The following ZFHX3 variants were observed in gnomAD, a reference collection of about 807,000 sequenced individuals.
The protein encoded by ZFHX3 is zinc finger homeobox 3.
A neutral mutation model predicts 279.1 loss-of-function variants in ZFHX3; 42 were observed. The observed-to-expected ratio is 0.15, with a 90% CI of 0.12 to 0.19. ZFHX3 has a LOEUF of 0.19. Ranked by LOEUF, ZFHX3 falls within the 10% of genes least tolerant of loss-of-function variation. The pLI is 1.00. For missense variants in ZFHX3, 4,981 were observed against 4,754.0 expected, an observed-to-expected ratio of 1.05 and a Z score of -1.40; for synonymous variants, 2,293 against 1,957.8, an observed-to-expected ratio of 1.17 and a Z score of -4.52.
At chr16:72,803,810 GGTTA>G (rs1328132703) in intron 7 of ZFHX3, among the ~76,000 whole-genome samples, 4 of 152,188 alleles carry the variant, frequency 2.6e-5, no homozygotes, top group Non-Finnish European at 5.9e-5. Flanking sequence ...AAGTTTTTCT[GGTTA>G]AGAAAATTCA....
chr16:73,062,108 C>A (rs1467394938), upstream of ZFHX3: 1 of 151,718 alleles, frequency 6.6e-6, no homozygotes, highest in Non-Finnish European at 1.5e-5. Flanking sequence ...ACAAGAAATT[C>A]AGAATCTAAA....
At chr16:73,735,841 G>A (rs1356943884) in intron 1 of ZFHX3, among the ~76,000 whole-genome samples, 1 of 151,530 alleles carries the variant, frequency 6.6e-6, no homozygotes, top group African/African-American at 2.4e-5. Context: ...TTGCCCATAG[G>A]TGACATTCTG....
chr16:73,131,308 G>T (rs910291581), intron 6 of ZFHX3, among the ~76,000 whole-genome samples: 1 of 152,120 alleles, frequency 6.6e-6, no homozygotes, highest in Non-Finnish European at 1.5e-5. Flanking sequence ...CTTAATAAAC[G>T]CAATTCATGG....
chr16:73,669,290 G>A lies in ZFHX3; in HGVS notation c.-1547+10890C>T, dbSNP rs979043605. Among the ~76,000 whole-genome samples the A allele has an allele frequency of 2.0e-5, 3 of 152,154 alleles. No homozygotes were observed. The South Asian group carries it at 6.2e-4, about 32-fold the overall frequency. Reference sequence around the variant, plus strand: ...GCTTGTCTCAAACTCCTGACCTCAGGTAATCCACCCGCCTTGGCCTCCCAA... The same window carrying A: ...GCTTGTCTCAAACTCCTGACCTCAGATAATCCACCCGCCTTGGCCTCCCAA... On this transcript the variant is annotated intron_variant, in intron 2 of 17. Coordinates refer to the ZFHX3 transcript ENST00000641206.
intron 7 of ZFHX3, among the ~76,000 whole-genome samples, chr16:73,111,133 G>A (rs1481778942): frequency 6.6e-6 from 1 of 152,050 alleles, no homozygotes; most frequent in African/African-American, 2.4e-5. Context: ...TAGAGACGAG[G>A]TTTCACCATG....
chr16:73,541,260 G>A (rs1017186808), intron 2 of ZFHX3, among the ~76,000 whole-genome samples: 62 of 152,272 alleles, frequency 4.1e-4, no homozygotes, highest in African/African-American at 1.2e-3. Context: ...CAAGGCGGGA[G>A]GATCACTTAA....
chr16:73,312,613 C>T (rs920052970), intron 4 of ZFHX3, among the ~76,000 whole-genome samples: 1 of 152,162 alleles, frequency 6.6e-6, no homozygotes, highest in African/African-American at 2.4e-5. Context: ...TCATTGAGGG[C>T]TTTCAGTGGG....
At chr16:73,272,219 G>A (rs1419304826) in intron 4 of ZFHX3, among the ~76,000 whole-genome samples, 3 of 152,084 alleles carry the variant, frequency 2.0e-5, no homozygotes, top group Non-Finnish European at 2.9e-5. Context: ...TTTCACTGAC[G>A]GCATGTGATA....
intron 2 of ZFHX3, among the ~76,000 whole-genome samples, chr16:73,639,530 G>A (rs1253302352): frequency 6.6e-6 from 1 of 152,154 alleles, no homozygotes; most frequent in African/African-American, 2.4e-5. Flanking sequence ...TATTAAAACA[G>A]AAACATGCCA....
intron 1 of ZFHX3, among the ~76,000 whole-genome samples, chr16:73,804,971 G>C (rs954964308): frequency 1.3e-4 from 18 of 137,972 alleles, no homozygotes; most frequent in Non-Finnish European, 2.4e-4. Context: ...AGGGAGGGAG[G>C]GAGAGAGAGA....
intron 3 of ZFHX3, among the ~76,000 whole-genome samples, chr16:72,923,459 A>G (rs970736597): frequency 6.6e-6 from 1 of 152,044 alleles, no homozygotes; most frequent in Non-Finnish European, 1.5e-5. Context: ...AGAAAAAAAA[A>G]AAAAAAAAAG....
intron 5 of ZFHX3, among the ~76,000 whole-genome samples, chr16:73,179,059 C>A (rs1056933412): frequency 6.6e-6 from 1 of 152,160 alleles, no homozygotes; most frequent in Admixed American, 6.6e-5. Flanking sequence ...TTTTTGGCAG[C>A]CGTAACTCAT....
intron 8 of ZFHX3, among the ~76,000 whole-genome samples, chr16:73,070,928 GCGCGCGCGCGCACACACACACACACA>G (rs1234185787): frequency 1.3e-4 from 4 of 31,420 alleles, no homozygotes; most frequent in Non-Finnish European, 2.2e-4. Flanking sequence ...GCGCGCGCGC[GCGCGCGCGCGCACACACACACACACA>G]CACACACACA....
chr16:73,282,077 G>A (rs920909704), intron 4 of ZFHX3, among the ~76,000 whole-genome samples: 5 of 152,210 alleles, frequency 3.3e-5, no homozygotes, highest in Non-Finnish European at 5.9e-5. Context: ...TTGTGTGTGC[G>A]CGTTTGTGTG....
chr16:73,380,343 G>A (rs1413461781), intron 3 of ZFHX3, among the ~76,000 whole-genome samples: 1 of 152,094 alleles, frequency 6.6e-6, no homozygotes, highest in Non-Finnish European at 1.5e-5. Context: ...TAAGAACAGA[G>A]GGAATCCAAG....
intron 3 of ZFHX3, among the ~76,000 whole-genome samples, chr16:72,921,648 G>C (rs977721583): frequency 3.3e-5 from 5 of 152,212 alleles, no homozygotes; most frequent in Admixed American, 2.0e-4. Flanking sequence ...CCAATGCTTC[G>C]TGCAGCAAAT....
chr16:73,289,359 C>T (rs550738003), intron 4 of ZFHX3, among the ~76,000 whole-genome samples: 4 of 152,054 alleles, frequency 2.6e-5, no homozygotes, highest in South Asian at 4.2e-4. Flanking sequence ...GTGGTTCCCT[C>T]ATTAGCAATT....
intron 6 of ZFHX3, among the ~76,000 whole-genome samples, chr16:73,142,766 A>G (rs1966850921): frequency 6.6e-6 from 1 of 152,248 alleles, no homozygotes; most frequent in Non-Finnish European, 1.5e-5. Flanking sequence ...TAGGCACAAG[A>G]CTAAGCATTT....
At position 73,402,230 on chromosome 16, in the gene ZFHX3, T is replaced by C. The variant is rs368327503; in HGVS notation, c.-1291+53773A>G. On this transcript the variant is annotated intron_variant, in intron 3 of 17. Coordinates refer to the ZFHX3 transcript ENST00000641206. ...ATCACACCATCCGCTGAGTTAAGGA[T>C]CTGTAAACAAAGCTTGAATTGAGCC... 1.3e-5 allele frequency: 2 copies of C among 152,350 alleles called. 1 individual carries two copies. The allele number at this position is 152,350 out of a possible 1,614,324, so 9.4% of individuals were successfully genotyped here. A position where few individuals can be genotyped will look rare whatever the true frequency, so the allele number is the denominator to read the frequency against.
Sources: gnomAD v4.1 joint callset for allele counts (sites outside exome capture counted in the v4.1 genomes callset) on GRCh38, gnomAD v4.1.1 for gene constraint, MANE v1.5 for transcripts, NCBI Gene and HGNC (gene_info 2026-07-23, HGNC 2026-07-21) for gene names.